The following GFM1 variants were observed in gnomAD, a reference collection of about 807,000 sequenced individuals.
The protein encoded by GFM1 is elongation factor G, mitochondrial.
In GFM1, 62 loss-of-function variants were observed where a neutral mutation model predicts 96.2. The ratio of observed to expected loss-of-function variants is 0.64; its 90% CI spans 0.53 to 0.80. GFM1 has a LOEUF of 0.80. Ranked by LOEUF, GFM1 falls within the 30% of genes least tolerant of loss-of-function variation. The pLI is 0.00. For missense variants in GFM1, 852 were observed against 916.6 expected (o/e 0.93, Z 0.91); for synonymous variants, 282 against 312.9 (o/e 0.90, Z 1.04).
chr3:158,690,515 C>A (rs1726222498), intron 16 of GFM1, 192 bp downstream of exon 16: 2 of 587,434 alleles, frequency 3.4e-6, no homozygotes, highest in South Asian at 2.0e-5. Context: ...TTTATCTTGA[C>A]CTTTTGTGAA....
intron 8 of GFM1, among the ~76,000 whole-genome samples, chr3:158,655,141 A>G (rs6763018): frequency 0.42 from 63,446 of 151,980 alleles, 14,389 homozygotes; most frequent in African/African-American, 0.6. Context: ...TATAAAACCA[A>G]AATCTCGCAA....
intron 13 of GFM1, chr3:158,672,652 C>T (rs1724466411): frequency 1.5e-6 from 1 of 683,362 alleles, no homozygotes; most frequent in Non-Finnish European, 2.3e-6. Context: ...GCTGTTTGGG[C>T]CCAGGCTCCC....
chr3:158,676,214 C>A (rs1303394081), intron 13 of GFM1, among the ~76,000 whole-genome samples: 1 of 152,152 alleles, frequency 6.6e-6, no homozygotes, highest in African/African-American at 2.4e-5. Context: ...TTGCGATGAG[C>A]CGAGATTGCA....
intron 8 of GFM1, among the ~76,000 whole-genome samples, chr3:158,658,285 G>A (rs1394851392): frequency 6.7e-6 from 1 of 149,680 alleles, no homozygotes; most frequent in East Asian, 2.0e-4. Flanking sequence ...TCCTGCCTCA[G>A]CTTCCCGAGT....
Position 158,644,618 on chromosome 3 carries a change from C to T in GFM1, c.-17C>T. 4.5e-6 allele frequency: 7 copies of T among 1,560,830 alleles called. No individual in the cohort carries two copies. The highest frequency in any genetic ancestry group is 6.1e-6 in the Non-Finnish European group (7 of 1,152,786). On this transcript the variant is annotated 5_prime_UTR_variant, in exon 1 of 18. Coordinates refer to ENST00000486715, the MANE Select transcript of GFM1 (RefSeq NM_024996.7). ...CACCCGGCGCCACGGGACTTTGACGCGTGCTCTGCGCTTGCCATGAGACTC... is the reference window on the plus strand; with the variant it reads ...CACCCGGCGCCACGGGACTTTGACGTGTGCTCTGCGCTTGCCATGAGACTC...
At chr3:158,644,850 T>C (rs1721622660) in intron 1 of GFM1, 135 bp downstream of exon 1, 1 of 761,932 alleles carries the variant, frequency 1.3e-6, no homozygotes, top group Admixed American at 2.1e-5. Flanking sequence ...TCGTCAGTGC[T>C]GAAAAGCACC....
intron 12 of GFM1, 111 bp from the exon 13 acceptor site, chr3:158,666,193 T>G: frequency 1.3e-6 from 1 of 751,880 alleles, no homozygotes; most frequent in Non-Finnish European, 2.3e-6. Flanking sequence ...ATTTAAGATT[T>G]GTTTATCTAT....
At chr3:158,670,845 G>C in intron 13 of GFM1, 2 of 1,278,074 alleles carry the variant, frequency 1.6e-6, no homozygotes, top group South Asian at 2.0e-5. Context: ...GAGGTGGGAA[G>C]ATGGCCTGAG....
At chr3:158,662,773 T>C in intron 11 of GFM1, 89 bp downstream of exon 11, 2 of 817,600 alleles carry the variant, frequency 2.4e-6, no homozygotes, top group Non-Finnish European at 2.2e-6. Flanking sequence ...TATCTTGTAA[T>C]AACCAGCAGT....
chr3:158,676,799 A>G (rs1357814969), intron 13 of GFM1, among the ~76,000 whole-genome samples: 1 of 151,408 alleles, frequency 6.6e-6, no homozygotes, highest in Non-Finnish European at 1.5e-5. Flanking sequence ...TCCCAGGTTC[A>G]AGCAATTCTC....
At chr3:158,662,725 C>G in intron 11 of GFM1, 41 bp downstream of exon 11, 3 of 1,219,968 alleles carry the variant, frequency 2.5e-6, no homozygotes, top group Non-Finnish European at 3.7e-6. Flanking sequence ...ACAATTAAAA[C>G]TTGAGCTCTT....
At chr3:158,644,746 C>T (rs751477274) in intron 1 of GFM1, 31 bp downstream of exon 1, 3 of 1,533,966 alleles carry the variant, frequency 2.0e-6, no homozygotes, top group Non-Finnish European at 2.7e-6. Context: ...TAAATCGGGA[C>T]CATTCCCGGA....
rs1454104519 is a variant in GFM1, at chr3:158,654,726, A to G, written c.1083+95A>G. On this transcript the variant is annotated intron_variant, in intron 8 of 17. Transcript: ENST00000486715. ...ACAGAATGACTCTGACTTTTATGAA[A>G]GATTTGGAAAATAGGAAAGTAGAAA... The G allele has an allele frequency of 1.5e-5, 13 of 852,782 alleles. No individual in the cohort carries two copies. In the East Asian group the frequency reaches 2.7e-4, roughly 18 times the overall value. 52.8% of individuals were successfully genotyped at this position (852,782 alleles called of 1,614,324 possible). A position where few individuals can be genotyped will look rare whatever the true frequency, so the allele number is the denominator to read the frequency against.
chr3:158,665,261 C>A, intron 11 of GFM1, 76 bp from the exon 12 acceptor site: 2 of 1,062,922 alleles, frequency 1.9e-6, no homozygotes, highest in Non-Finnish European at 2.9e-6. Context: ...TTATTTCATT[C>A]AGTAAAGTTT....
chr3:158,678,228 T>G (rs1725067533), intron 13 of GFM1, among the ~76,000 whole-genome samples: 1 of 152,248 alleles, frequency 6.6e-6, no homozygotes. Flanking sequence ...TGCCCGCCAA[T>G]ACAACATTCA....
At chr3:158,667,020 C>T (rs1156269666) in intron 13 of GFM1, 1 of 1,596,898 alleles carries the variant, frequency 6.3e-7, no homozygotes, top group Non-Finnish European at 8.5e-7. Flanking sequence ...ACCTGAGATG[C>T]TATATTATGA....
chr3:158,690,221 T>G lies in GFM1; in HGVS notation c.1968T>G (p.Ala656=), dbSNP rs771684577. The change falls in exon 16 of 18, where the codon GCT becomes GCG. Residue 656 remains alanine (A), a synonymous_variant. Transcript: ENST00000486715. ...CTATTATGGCTGTGGAAGTTGTAGCTCCAAATGAATTTCAGGGACAAGTAA... is the reference window on the plus strand; with the variant it reads ...CTATTATGGCTGTGGAAGTTGTAGCGCCAAATGAATTTCAGGGACAAGTAA... ...LEPIMAVEVV[A]PNEFQGQVIA... is the part of the protein sequence containing the mutation. The G allele has an allele frequency of 6.2e-7, 1 of 1,613,786 alleles. No individual in the cohort carries two copies. The highest frequency in any genetic ancestry group is 1.1e-5 in the South Asian group (1 of 91,076).
At chr3:158,681,869 A>G in intron 13 of GFM1, 126 bp from the exon 14 acceptor site, 3 of 849,232 alleles carry the variant, frequency 3.5e-6, no homozygotes, top group Middle Eastern at 3.5e-4. Context: ...ATAAACTTTT[A>G]TAGCAAGACC....
At position 158,669,196 on chromosome 3, in the gene GFM1, A is replaced by G. The variant is rs1724023661; in HGVS notation, c.1601+2810A>G. ...GTATTAACCTTTTAAAACAAAATCT[A>G]AATTCTAAATCATGTCTTAGTTTCC... On this transcript the variant is annotated intron_variant, in intron 13 of 17. Coordinates refer to ENST00000486715, the MANE Select transcript of GFM1 (RefSeq NM_024996.7). 2.7e-6 allele frequency: 4 copies of G among 1,456,536 alleles called. No individual in the cohort carries two copies. The South Asian group carries it at 5.1e-5, about 19-fold the overall frequency. The allele number at this position is 1,456,536 out of a possible 1,614,324, so 90.2% of individuals were successfully genotyped here. A position where few individuals can be genotyped will look rare whatever the true frequency, so the allele number is the denominator to read the frequency against.
Sources: allele counts gnomAD v4.1 joint callset (sites outside exome capture counted in the v4.1 genomes callset), GRCh38; gene constraint gnomAD v4.1.1; transcripts MANE v1.5; gene names NCBI Gene and HGNC (gene_info 2026-07-23, HGNC 2026-07-21).